USP10: variants seen among roughly 807,000 people sequenced by gnomAD.
USP10 encodes ubiquitin specific peptidase 10.
A neutral mutation model predicts 84.5 loss-of-function variants in USP10; 22 were observed. The observed-to-expected ratio is 0.26, with a 90% CI of 0.19 to 0.37. The LOEUF (loss-of-function observed/expected upper bound fraction) is 0.37. USP10 is among the 10% of genes least tolerant of loss of function. The pLI, the probability that USP10 is intolerant of heterozygous loss-of-function variation, is 1.00. For synonymous variants in USP10, 454 were observed against 387.6 expected, an observed-to-expected ratio of 1.17 and a Z score of -2.01; for missense variants, 1,019 against 998.9, an observed-to-expected ratio of 1.02 and a Z score of -0.27.
At chr16:84,734,453 C>T (rs1909636723) in intron 2 of USP10, among the ~76,000 whole-genome samples, 2 of 152,266 alleles carry the variant, frequency 1.3e-5, no homozygotes, top group Admixed American at 1.3e-4. Context: ...TGGTTTATAT[C>T]CCTTGTCCAT....
At chr16:84,731,200 C>T (rs985751316) in intron 1 of USP10, among the ~76,000 whole-genome samples, 2 of 151,396 alleles carry the variant, frequency 1.3e-5, no homozygotes, top group African/African-American at 2.4e-5. Flanking sequence ...AGGATGGTCT[C>T]GATCTTCTGA....
At position 84,759,895 on chromosome 16, in the gene USP10, C is replaced by A; in HGVS notation, c.1399C>A (p.Arg467=). Residue 467 remains arginine, a synonymous_variant, in exon 7 of 14, where the codon CGG becomes AGG. Coordinates refer to ENST00000219473, the MANE Select transcript of USP10 (RefSeq NM_005153.3). ...ACATTTTTTCCCCATGTTTAGTGTT[C>A]GGCTAATGAATGAGTTCACTAATAT... ...TSTPMIDSFV[R]LMNEFTNMPV... is the part of the protein sequence containing the mutation. The A allele has an allele frequency of 6.2e-7, 1 of 1,613,812 alleles. No homozygotes were observed. Among genetic ancestry groups the A allele is most frequent in the Non-Finnish European group, 8.5e-7 (1 of 1,179,824 alleles).
At chr16:84,732,337 A>C (rs748078017) in intron 1 of USP10, 3 of 353,914 alleles carry the variant, frequency 8.5e-6, no homozygotes, top group Non-Finnish European at 1.6e-5. Context: ...CCCAGTACTG[A>C]TCATACGTGG....
chr16:84,763,983 AC>A, intron 9 of USP10, 102 bp from the exon 10 acceptor site: 1 of 1,405,084 alleles, frequency 7.1e-7, no homozygotes, highest in South Asian at 1.5e-5. Flanking sequence ...TGTAGACCAC[AC>A]CCTGATTTCA....
chr16:84,755,907 C>T (rs1396866069), intron 4 of USP10, among the ~76,000 whole-genome samples: 1 of 152,124 alleles, frequency 6.6e-6, no homozygotes, highest in East Asian at 1.9e-4. Flanking sequence ...CTCATTACCA[C>T]ACTAAACAAA....
intron 1 of USP10, among the ~76,000 whole-genome samples, chr16:84,729,524 TGAGCATA>T (rs1319626144): frequency 3.9e-5 from 6 of 152,248 alleles, no homozygotes; most frequent in African/African-American, 1.4e-4. Flanking sequence ...TTATCTGCCA[TGAGCATA>T]TGGGGAATAC....
chr16:84,738,735 T>G (rs1910249417), intron 2 of USP10, among the ~76,000 whole-genome samples: 1 of 152,208 alleles, frequency 6.6e-6, no homozygotes, highest in South Asian at 2.1e-4. Flanking sequence ...GTTTTCCTGT[T>G]TGTCATAATT....
intron 1 of USP10, among the ~76,000 whole-genome samples, chr16:84,721,318 A>G (rs1303547999): frequency 6.6e-6 from 1 of 152,216 alleles, no homozygotes; most frequent in Non-Finnish European, 1.5e-5. Context: ...CTTCTTCCGT[A>G]GATGAGAGAT....
chr16:84,717,935 T>C (rs1339241060), intron 1 of USP10, among the ~76,000 whole-genome samples: 1 of 152,222 alleles, frequency 6.6e-6, no homozygotes, highest in Admixed American at 6.5e-5. Context: ...CCCAGAAATT[T>C]GGGATTCGTG....
At chr16:84,735,851 G>A (rs925250677) in intron 2 of USP10, among the ~76,000 whole-genome samples, 18 of 152,330 alleles carry the variant, frequency 1.2e-4, no homozygotes, top group African/African-American at 3.4e-4. Flanking sequence ...AAAGGGAAAT[G>A]CAGGCTAATT....
At chr16:84,750,538 AT>A (rs569782684) in intron 4 of USP10, among the ~76,000 whole-genome samples, 1 of 152,170 alleles carries the variant, frequency 6.6e-6, no homozygotes, top group Non-Finnish European at 1.5e-5. Context: ...ATTAGCACAG[AT>A]ACTTTGGAGT....
intron 12 of USP10, among the ~76,000 whole-genome samples, chr16:84,774,384 A>T (rs753996484): frequency 6.6e-6 from 1 of 152,100 alleles, no homozygotes; most frequent in Non-Finnish European, 1.5e-5. Context: ...GCACAGTAAG[A>T]GCAGGGAGTT....
At chr16:84,756,094 C>G (rs12103304) in intron 4 of USP10, among the ~76,000 whole-genome samples, 23,434 of 139,608 alleles carry the variant, frequency 0.17, 1,949 homozygotes, top group Admixed American at 0.21. Context: ...CCCCACCCCC[C>G]GCCCCCCATC....
At chr16:84,749,702 C>G (rs1911679592) in intron 4 of USP10, among the ~76,000 whole-genome samples, 1 of 152,074 alleles carries the variant, frequency 6.6e-6, no homozygotes, top group Non-Finnish European at 1.5e-5. Context: ...TAATAAATGC[C>G]AGCTAGTTTT....
At chr16:84,741,699 A>G (rs577557399) in intron 3 of USP10, among the ~76,000 whole-genome samples, 61 of 152,114 alleles carry the variant, frequency 4.0e-4, no homozygotes, top group Non-Finnish European at 8.2e-4. Flanking sequence ...CACGACTGGA[A>G]TCTTGCCACC....
chr16:84,773,169 T>C (rs867924644), intron 12 of USP10, among the ~76,000 whole-genome samples: 17 of 152,146 alleles, frequency 1.1e-4, no homozygotes, highest in Non-Finnish European at 2.4e-4. Context: ...CTCGGCACTT[T>C]TTGAAAGCAA....
At chr16:84,774,909 A>AG (rs1914837166) in intron 12 of USP10, among the ~76,000 whole-genome samples, 1 of 152,194 alleles carries the variant, frequency 6.6e-6, no homozygotes, top group South Asian at 2.1e-4. Context: ...GGCCTCCCAC[A>AG]GGAGCATCAC....
At chr16:84,749,240 A>T (rs1316169555) in intron 4 of USP10, among the ~76,000 whole-genome samples, 1 of 152,206 alleles carries the variant, frequency 6.6e-6, no homozygotes, top group East Asian at 1.9e-4. Context: ...TACAAGTCAG[A>T]TCCACTACCA....
intron 1 of USP10, among the ~76,000 whole-genome samples, chr16:84,701,194 A>C (rs975051666): frequency 6.6e-6 from 1 of 152,174 alleles, no homozygotes; most frequent in African/African-American, 2.4e-5. Flanking sequence ...TTGAAACATG[A>C]TTTTCGGAAC....
Sources: allele counts gnomAD v4.1 joint callset (sites outside exome capture counted in the v4.1 genomes callset), GRCh38; gene constraint gnomAD v4.1.1; transcripts MANE v1.5; gene names NCBI Gene and HGNC (gene_info 2026-07-23, HGNC 2026-07-21).